Variants in EPB41L3 observed in about 807,000 individuals in gnomAD.
EPB41L3 encodes the protein erythrocyte membrane protein band 4.1 like 3.
In EPB41L3, 57 loss-of-function variants were observed where a neutral mutation model predicts 127.1. That is an observed-to-expected ratio of 0.45 (90% confidence interval 0.36 to 0.56). EPB41L3 has a LOEUF of 0.56. EPB41L3 is among the 20% of genes least tolerant of loss of function. The probability of loss-of-function intolerance (pLI) is 0.00; values close to 1 mark genes in which losing one functional copy is unlikely to be tolerated. For synonymous variants in EPB41L3, 572 were observed against 549.5 expected (o/e 1.04, Z -0.57); for missense variants, 1,273 against 1,372.2 (o/e 0.93, Z 1.14).
In EPB41L3 at chr18:5,583,078, G is replaced by A. The variant is rs150061731; in HGVS notation, c.-306+29262C>T. Among the ~76,000 whole-genome samples, 10 of 152,262 alleles carry A rather than the reference G, an allele frequency of 6.6e-5. No individual in the cohort carries two copies. The East Asian group carries it at 1.2e-3, about 18-fold the overall frequency. On this transcript the variant is annotated intron_variant, in intron 3 of 21. Transcript: ENST00000545076. The stretch of plus-strand genomic sequence containing the variant: ...GGAAAGATTCTGGAATTTCTGAGAC[G>A]CAGCTGAAGAGATGAGTCAGGAAAA...
chr18:5,433,656 G>A, intron 7 of EPB41L3, 100 bp from the exon 8 acceptor site: 1 of 1,063,246 alleles, frequency 9.4e-7, no homozygotes, highest in Non-Finnish European at 1.4e-6. Context: ...GAAGTCCTAT[G>A]GAGGCACCAG....
upstream of EPB41L3, among the ~76,000 whole-genome samples, chr18:5,630,008 TGGTGCGCTCGCCG>T (rs1371123843): frequency 2.0e-5 from 3 of 152,178 alleles, no homozygotes; most frequent in Non-Finnish European, 4.4e-5. Context: ...AACCGAAGAC[TGGTGCGCTCGCCG>T]GGCCCCGCGC....
upstream of EPB41L3, among the ~76,000 whole-genome samples, chr18:5,547,729 T>G (rs1239221810): frequency 6.6e-6 from 1 of 152,162 alleles, no homozygotes. Context: ...CCCATGAACC[T>G]CTATTCCACC....
At chr18:5,507,310 C>T (rs2092272137) in intron 1 of EPB41L3, among the ~76,000 whole-genome samples, 2 of 152,050 alleles carry the variant, frequency 1.3e-5, no homozygotes, top group African/African-American at 2.4e-5. Flanking sequence ...TATAAACTAC[C>T]TAGTTTATAA....
chr18:5,593,460 G>A (rs1374472251), intron 3 of EPB41L3, among the ~76,000 whole-genome samples: 3 of 152,146 alleles, frequency 2.0e-5, no homozygotes, highest in African/African-American at 7.2e-5. Flanking sequence ...CGAATAGGGT[G>A]TGGGTCACAG....
chr18:5,398,315 A>ACCT, intron 16 of EPB41L3, 172 bp from the exon 17 acceptor site: 2 of 752,824 alleles, frequency 2.7e-6, no homozygotes, highest in Non-Finnish European at 4.3e-6. Context: ...ATAGAAAACC[A>ACCT]GGTGCTCTTG....
chr18:5,415,795 G>A (rs768431444), intron 13 of EPB41L3, 23 bp downstream of exon 13: 5 of 1,601,078 alleles, frequency 3.1e-6, no homozygotes, highest in Admixed American at 1.7e-5. Flanking sequence ...AAGGGGAAGC[G>A]TGTTCTATGC....
intron 1 of EPB41L3, among the ~76,000 whole-genome samples, chr18:5,502,911 G>A (rs188864236): frequency 1.3e-5 from 2 of 152,278 alleles, no homozygotes; most frequent in East Asian, 3.9e-4. Flanking sequence ...AGCTGGAGAG[G>A]GTAACACTAG....
At chr18:5,441,666 G>A (rs7232599) in intron 5 of EPB41L3, among the ~76,000 whole-genome samples, 8,463 of 151,986 alleles carry the variant, frequency 0.056, 722 homozygotes, top group African/African-American at 0.19. Flanking sequence ...GGGTTTCACC[G>A]TGTCAGCCAG....
chr18:5,478,113 T>C (rs1221462449), intron 3 of EPB41L3, 128 bp downstream of exon 3: 2 of 716,752 alleles, frequency 2.8e-6, no homozygotes, highest in Non-Finnish European at 4.5e-6. Context: ...AATAATTTTA[T>C]ATTTAGAGAC....
At chr18:5,509,331 T>C (rs2092398485) in intron 1 of EPB41L3, among the ~76,000 whole-genome samples, 2 of 152,150 alleles carry the variant, frequency 1.3e-5, no homozygotes, top group Admixed American at 1.3e-4. Context: ...AGGACCACAC[T>C]AAGGTGTCCA....
chr18:5,522,738 T>C (rs73381527), intron 1 of EPB41L3, among the ~76,000 whole-genome samples: 4,804 of 152,220 alleles, frequency 0.032, 104 homozygotes, highest in East Asian at 0.096. Context: ...GAAGCCATTC[T>C]GGTTGAGGGC....
intron 1 of EPB41L3, among the ~76,000 whole-genome samples, chr18:5,628,345 A>T (rs1285178474): frequency 6.6e-6 from 1 of 152,212 alleles, no homozygotes. Context: ...GTCTTAATCC[A>T]TCGCACTTCA....
intron 3 of EPB41L3, among the ~76,000 whole-genome samples, chr18:5,602,783 A>C (rs1426393759): frequency 6.6e-6 from 1 of 152,208 alleles, no homozygotes; most frequent in African/African-American, 2.4e-5. Context: ...ACAAGTCCAG[A>C]AGAAGAGGAT....
chr18:5,498,959 G>T (rs2091470754), intron 1 of EPB41L3, among the ~76,000 whole-genome samples: 1 of 152,126 alleles, frequency 6.6e-6, no homozygotes, highest in African/African-American at 2.4e-5. Context: ...CTCCCTAATG[G>T]TTCCCTAAAA....
chr18:5,511,640 G>A (rs1163845562), intron 1 of EPB41L3, among the ~76,000 whole-genome samples: 4 of 151,860 alleles, frequency 2.6e-5, no homozygotes, highest in African/African-American at 7.3e-5. Context: ...AATTTTCAGA[G>A]AGGTGATCCC....
chr18:5,476,854 A>T (rs1187200456), intron 3 of EPB41L3, among the ~76,000 whole-genome samples: 1 of 152,220 alleles, frequency 6.6e-6, no homozygotes, highest in Non-Finnish European at 1.5e-5. Context: ...AAGAAATGAA[A>T]CAAAATCAAA....
At chr18:5,560,295 G>A (rs2094105835) in intron 3 of EPB41L3, among the ~76,000 whole-genome samples, 1 of 152,150 alleles carries the variant, frequency 6.6e-6, no homozygotes, top group Admixed American at 6.5e-5. Context: ...GATGAGTGAT[G>A]GGTGAAGAAC....
At chr18:5,541,391 T>G (rs969497926) in intron 1 of EPB41L3, among the ~76,000 whole-genome samples, 1 of 152,094 alleles carries the variant, frequency 6.6e-6, no homozygotes, top group Non-Finnish European at 1.5e-5. Context: ...ATTTGTGAAT[T>G]TTAGGGAAAG....
Sources: gnomAD v4.1 joint callset for allele counts (sites outside exome capture counted in the v4.1 genomes callset) on GRCh38, gnomAD v4.1.1 for gene constraint, MANE v1.5 for transcripts, NCBI Gene and HGNC (gene_info 2026-07-23, HGNC 2026-07-21) for gene names.